LRRC14: variants seen among roughly 807,000 people sequenced by gnomAD.
LRRC14 encodes leucine rich repeat containing 14, also known as leucine-rich repeat-containing protein 14.
LRRC14 carries 16 observed loss-of-function variants against 25.3 expected under a neutral mutation model. The observed-to-expected ratio is 0.63, with a 90% confidence interval of 0.43 to 0.96. LRRC14 has a LOEUF of 0.96. Ranked by LOEUF, LRRC14 falls within the 40% of genes least tolerant of loss-of-function variation. LRRC14 has a pLI of 0.00. For synonymous variants in LRRC14, 359 were observed against 295.1 expected (o/e 1.22, Z -2.22); for missense variants, 594 against 660.5 (o/e 0.90, Z 1.10).
At position 144,524,615 on chromosome 8, in the gene LRRC14, G is replaced by A. The variant is rs1816283126; in HGVS notation, c.*3137G>A. 6.6e-6 allele frequency: 10 copies of A among 1,524,188 alleles called. No homozygotes were observed. Among genetic ancestry groups the A allele is most frequent in the Non-Finnish European group, 8.7e-6 (10 of 1,144,016 alleles). The allele number at this position is 1,524,188 out of a possible 1,614,324, so 94.4% of individuals were successfully genotyped here. ...GCGCGCGGAAGGCGCCGGCCTCCAGGGCGCGCAGGCTGTTGTTGTGCAGGT... is the reference window on the plus strand; with the variant it reads ...GCGCGCGGAAGGCGCCGGCCTCCAGAGCGCGCAGGCTGTTGTTGTGCAGGT... On this transcript the variant is annotated 3_prime_UTR_variant, in exon 4 of 4. Transcript: ENST00000292524.
chr8:144,522,380 G>C lies in LRRC14; in HGVS notation c.*902G>C. The C allele has an allele frequency of 7.4e-7, 1 of 1,360,140 alleles. No homozygotes were observed. The highest frequency in any genetic ancestry group is 9.4e-7 in the Non-Finnish European group (1 of 1,062,784). 84.3% of individuals were successfully genotyped at this position (1,360,140 alleles called of 1,614,324 possible). Reference sequence around the variant, plus strand: ...CGGCTCGCGCCCCACACACGGCTCAGCGCACACTGCGCGGCTTCCACCTTT... The same window carrying C: ...CGGCTCGCGCCCCACACACGGCTCACCGCACACTGCGCGGCTTCCACCTTT... On this transcript the variant is annotated 3_prime_UTR_variant, in exon 4 of 4. Transcript: ENST00000292524.
rs1353426831 is a variant in LRRC14, at chr8:144,524,861, G to A, written c.*3383G>A. Reference sequence around the variant, plus strand: ...CCAGCGGGACGACGCGCAACCGCAGGGCGCCACACTCCACCGTGGCGCTGT... The same window carrying A: ...CCAGCGGGACGACGCGCAACCGCAGAGCGCCACACTCCACCGTGGCGCTGT... On this transcript the variant is annotated 3_prime_UTR_variant, in exon 4 of 4. Transcript: ENST00000292524. 1 of 1,499,662 alleles carries A rather than the reference G, an allele frequency of 6.7e-7. No homozygotes were observed. Among genetic ancestry groups the A allele is most frequent in the South Asian group, 1.2e-5 (1 of 81,856 alleles). The allele number at this position is 1,499,662 out of a possible 1,614,324, so 92.9% of individuals were successfully genotyped here.
chr8:144,520,641 G>T lies in LRRC14; in HGVS notation c.733G>T (p.Ala245Ser). The T allele has an allele frequency of 3.1e-6, 5 of 1,601,844 alleles. No homozygotes were observed. The highest frequency in any genetic ancestry group is 4.2e-6 in the Non-Finnish European group (5 of 1,179,942). ...CCTGTCTGTGATCATCCCACACGTG[G>T]CCCGCTTCCAGCACCTGGCCAGCCT... ...RGLSVIIPHV[A>S]RFQHLASLRL... The change falls in exon 3 of 4, where the codon GCC (alanine) becomes TCC (serine). Residue 245 changes from alanine (A) to serine (S), a missense_variant. Transcript: ENST00000292524.
Position 144,520,406 on chromosome 8 carries a change from G to GGTGCGCGTGGAC in LRRC14, c.499_510dup (p.Val167_Asp170dup). On this transcript the variant is annotated inframe_insertion, in exon 3 of 4. Coordinates refer to ENST00000292524, the MANE Select transcript of LRRC14 (RefSeq NM_014665.4). The stretch of plus-strand genomic sequence containing the variant: ...CTGGGCCAGCCCCCATCCCCGTGGA[G>GGTGCGCGTGGAC]GTGCGCGTGGACCTGCGGGTGAACC... The GGTGCGCGTGGAC allele has an allele frequency of 6.2e-7, 1 of 1,605,532 alleles. No homozygotes were observed. Among genetic ancestry groups the GGTGCGCGTGGAC allele is most frequent in the Non-Finnish European group, 8.5e-7 (1 of 1,177,256 alleles).
chr8:144,520,287 G>A lies in LRRC14; in HGVS notation c.379G>A (p.Val127Met), dbSNP rs1252912989. 2 of 1,611,940 alleles carry A rather than the reference G, an allele frequency of 1.2e-6. No homozygotes were observed. Among genetic ancestry groups the A allele is most frequent in the Non-Finnish European group, 8.5e-7 (1 of 1,180,002 alleles). Reference protein sequence around the residue: ...LDMTGLLDDGVEQDPGTMSMW... With the variant: ...LDMTGLLDDGMEQDPGTMSMW... ...CATGACGGGCCTCTTGGATGATGGT[G>A]TGGAACAGGATCCTGGCACCATGAG... The change falls in exon 3 of 4, where the codon GTG becomes ATG. Residue 127 changes from valine to methionine, a missense_variant. Transcript: ENST00000292524.
At position 144,522,874 on chromosome 8, in the gene LRRC14, G is replaced by A. The variant is rs2130787808; in HGVS notation, c.*1396G>A. On this transcript the variant is annotated 3_prime_UTR_variant, in exon 4 of 4. Coordinates refer to ENST00000292524, the MANE Select transcript of LRRC14 (RefSeq NM_014665.4). Reference sequence around the variant, plus strand: ...CGGGCCGGGGCTCGCTGCCGGCGGGGCGGGCGGCCGGAGGCGGCGGTTGCG... The same window carrying A: ...CGGGCCGGGGCTCGCTGCCGGCGGGACGGGCGGCCGGAGGCGGCGGTTGCG... 7.9e-7 allele frequency: 1 copy of A among 1,264,956 alleles called. No homozygotes were observed. Among genetic ancestry groups the A allele is most frequent in the South Asian group, 3.3e-5 (1 of 30,446 alleles). 78.4% of individuals were successfully genotyped at this position (1,264,956 alleles called of 1,614,324 possible).
Position 144,524,830 on chromosome 8 carries a change from G to A in LRRC14, c.*3352G>A. 1 of 1,473,292 alleles carries A rather than the reference G, an allele frequency of 6.8e-7. No homozygotes were observed. Among genetic ancestry groups the A allele is most frequent in the Non-Finnish European group, 9.0e-7 (1 of 1,112,258 alleles). 91.3% of individuals were successfully genotyped at this position (1,473,292 alleles called of 1,614,324 possible). On this transcript the variant is annotated 3_prime_UTR_variant, in exon 4 of 4. Transcript: ENST00000292524. ...ACGGTGCCCACCTGCGTCCCTGGCG[G>A]GATTCCCAGCGGGACGACGCGCAAC...
chr8:144,521,710 A>T lies in LRRC14; in HGVS notation c.*232A>T. 1.8e-6 allele frequency: 1 copy of T among 561,732 alleles called. No individual in the cohort carries two copies. 34.8% of individuals were successfully genotyped at this position (561,732 alleles called of 1,614,324 possible). A position where few individuals can be genotyped will look rare whatever the true frequency, so the allele number is the denominator to read the frequency against. On this transcript the variant is annotated 3_prime_UTR_variant, in exon 4 of 4. Transcript: ENST00000292524. ...GATCATCTGTGGGCCCCGGGGCTGG[A>T]TGTCAGGCCTCCATTGCCCTGCTCA...
chr8:144,522,897 G>A lies in LRRC14; in HGVS notation c.*1419G>A. On this transcript the variant is annotated 3_prime_UTR_variant, in exon 4 of 4. Coordinates refer to ENST00000292524, the MANE Select transcript of LRRC14 (RefSeq NM_014665.4). ...GGGCGGGCGGCCGGAGGCGGCGGTTGCGCGGGCTGCTGCGGCTGCTGCCGG... is the reference window on the plus strand; with the variant it reads ...GGGCGGGCGGCCGGAGGCGGCGGTTACGCGGGCTGCTGCGGCTGCTGCCGG... 1.5e-6 allele frequency: 2 copies of A among 1,300,950 alleles called. No homozygotes were observed. The highest frequency in any genetic ancestry group is 2.5e-5 in the South Asian group (1 of 39,410). 80.6% of individuals were successfully genotyped at this position (1,300,950 alleles called of 1,614,324 possible).
At position 144,523,409 on chromosome 8, in the gene LRRC14, T is replaced by C; in HGVS notation, c.*1931T>C. 2.6e-6 allele frequency: 4 copies of C among 1,524,446 alleles called. No homozygotes were observed. The highest frequency in any genetic ancestry group is 2.6e-6 in the Non-Finnish European group (3 of 1,136,800). 94.4% of individuals were successfully genotyped at this position (1,524,446 alleles called of 1,614,324 possible). ...GGCGCAGTCACAGCGCCATGGGTTC[T>C]CTGTGGGAGAGCAGCGTTAGGCAGG... On this transcript the variant is annotated 3_prime_UTR_variant, in exon 4 of 4. Transcript: ENST00000292524.
rs1335998449 is a variant in LRRC14, at chr8:144,523,110, G to C, written c.*1632G>C. The C allele has an allele frequency of 1.2e-6, 2 of 1,609,340 alleles. No homozygotes were observed. The highest frequency in any genetic ancestry group is 2.2e-5 in the East Asian group (1 of 44,860). ...TCTAGCTGGGCCTGGGCTCGCGGCC[G>C]GCCCTCGCGAGGCTGGGGCACCTTT... On this transcript the variant is annotated 3_prime_UTR_variant, in exon 4 of 4. Transcript: ENST00000292524.
In LRRC14 at chr8:144,523,293, G is replaced by A. The variant is rs1816204025; in HGVS notation, c.*1815G>A. 2 of 1,610,812 alleles carry A rather than the reference G, an allele frequency of 1.2e-6. No homozygotes were observed. Among genetic ancestry groups the A allele is most frequent in the East Asian group, 2.2e-5 (1 of 44,786 alleles). On this transcript the variant is annotated 3_prime_UTR_variant, in exon 4 of 4. Coordinates refer to ENST00000292524, the MANE Select transcript of LRRC14 (RefSeq NM_014665.4). ...ACGTCCAGGAGACTCTGGAGCGCCA[G>A]GCGCGGGGGCTCTGCACACATGATC...
chr8:144,521,219 C>T lies in LRRC14; in HGVS notation c.1223C>T (p.Ala408Val), dbSNP rs151080078. The T allele has an allele frequency of 1.2e-4, 195 of 1,613,324 alleles. No homozygotes were observed. The African/African-American group carries it at 2.2e-3, about 18-fold the overall frequency. The change falls in exon 4 of 4, where the codon GCG becomes GTG. Residue 408 changes from alanine to valine, a missense_variant. Ala to Val is a moderately conservative substitution (Grantham distance 64, BLOSUM62 0). Transcript: ENST00000292524. The stretch of plus-strand genomic sequence containing the variant: ...CTCTATGGCAACCCACTGTCCATGG[C>T]GGGCCTCAAGGAGCTGCTGCGGGAC... Reference protein sequence around the residue: ...LGLYGNPLSMAGLKELLRDSV... With the variant: ...LGLYGNPLSMVGLKELLRDSV...
In LRRC14 at chr8:144,523,031, A is replaced by G; in HGVS notation, c.*1553A>G. On this transcript the variant is annotated 3_prime_UTR_variant, in exon 4 of 4. Coordinates refer to ENST00000292524, the MANE Select transcript of LRRC14 (RefSeq NM_014665.4). ...CAGCGTGATGTTGCTGAGGAAGAGC[A>G]TGCCGCTGCCCGTGTCGGATGCCGA... The G allele has an allele frequency of 6.2e-7, 1 of 1,601,084 alleles. No homozygotes were observed. Among genetic ancestry groups the G allele is most frequent in the Non-Finnish European group, 8.5e-7 (1 of 1,175,856 alleles).
At chr8:144,519,385 G>A (rs1815797368) in intron 1 of LRRC14, 2 of 415,324 alleles carry the variant, frequency 4.8e-6, no homozygotes, top group South Asian at 2.8e-5. Context: ...AGTACCCATG[G>A]GGGGCCCTGC....
rs1816251373 is a variant in LRRC14 at position 144,524,138 on chromosome 8, CA to C, written c.*2661del. On this transcript the variant is annotated 3_prime_UTR_variant, in exon 4 of 4. Coordinates refer to ENST00000292524, the MANE Select transcript of LRRC14 (RefSeq NM_014665.4). ...TGAGGCGCAGGACTTGCAGACTGGC[CA>C]GGGGCTGCAGGGCCTCTCGGCTGAT... The C allele has an allele frequency of 1.2e-6, 2 of 1,606,888 alleles. No individual in the cohort carries two copies. The highest frequency in any genetic ancestry group is 1.3e-5 in the African/African-American group (1 of 74,784).
chr8:144,523,944 TC>T lies in LRRC14; in HGVS notation c.*2470del. 1 of 771,216 alleles carries T rather than the reference TC, an allele frequency of 1.3e-6. No individual in the cohort carries two copies. 47.8% of individuals were successfully genotyped at this position (771,216 alleles called of 1,614,324 possible). A position where few individuals can be genotyped will look rare whatever the true frequency, so the allele number is the denominator to read the frequency against. On this transcript the variant is annotated 3_prime_UTR_variant, in exon 4 of 4. Transcript: ENST00000292524. ...CCCAGGCAGGGTGCCTGAGCTGTAT[TC>T]CCCAGCACACCCACTCCCGCAGCCC...
At chr8:144,518,653 G>A (rs34595517) in intron 1 of LRRC14, 1 of 152,424 alleles carries the variant, frequency 6.6e-6, no homozygotes, top group Non-Finnish European at 1.5e-5. Context: ...GAAGGGCCTT[G>A]GGGCCAGAGT....
chr8:144,520,188 G>A (rs1815906618), intron 2 of LRRC14, 50 bp from the exon 3 acceptor site: 1 of 1,585,134 alleles, frequency 6.3e-7, no homozygotes, highest in South Asian at 1.1e-5. Flanking sequence ...GCTGGGAGGG[G>A]GTATGGGCGC....
Sources: allele counts gnomAD v4.1 joint callset, GRCh38; gene constraint gnomAD v4.1.1; transcripts MANE v1.5; gene names NCBI Gene and HGNC (gene_info 2026-07-23, HGNC 2026-07-21).